Variants in GRTP1 observed in about 807,000 individuals in gnomAD.
GRTP1 encodes the protein growth hormone-regulated TBC protein 1.
Under a neutral mutation model 38.1 loss-of-function variants are expected in GRTP1, and 56 were observed. That is an observed-to-expected ratio of 1.47 (90% CI 1.19 to 1.84). GRTP1 has a LOEUF of 1.84. Ranked by LOEUF, GRTP1 falls within the 40% of genes most tolerant of loss-of-function variation. The pLI, the probability that GRTP1 is intolerant of heterozygous loss-of-function variation, is 0.00. For missense variants in GRTP1, 506 were observed against 453.9 expected (o/e 1.11, Z -1.04); for synonymous variants, 217 against 189.5 (o/e 1.14, Z -1.19).
rs576256870 is a variant in GRTP1, at chr13:113,343,312, G to C, written c.562+1551C>G. Among the ~76,000 whole-genome samples the C allele has an allele frequency of 6.6e-6, 1 of 152,090 alleles. No homozygotes were observed. Among genetic ancestry groups the C allele is most frequent in the South Asian group, 2.1e-4 (1 of 4,822 alleles). On this transcript the variant is annotated intron_variant, in intron 5 of 7. Coordinates refer to ENST00000375431, the MANE Select transcript of GRTP1 (RefSeq NM_024719.4). This position sits in a 1 kb window ranked among gnomAD's most constrained non-coding sequence, Gnocchi z 4.8. ...ACAGCCGGCATCCTTTCCGCCCTGC[G>C]AGGTTCTGCCTGCTGCTGCTGCTGC...
rs1217224974 is a variant in GRTP1 at position 113,324,510 on chromosome 13, G to A, written c.989C>T (p.Ala330Val). 1.2e-6 allele frequency: 2 copies of A among 1,611,122 alleles called. No homozygotes were observed. Among genetic ancestry groups the A allele is most frequent in the African/African-American group, 1.3e-5 (1 of 74,896 alleles). Reference protein sequence around the residue: ...TVAKLRESCRARLLAQG With the variant: ...TVAKLRESCRVRLLAQG ...CGCTCACCCCTGTGCCAGCAGCCGGGCCCTGCAGCTCTCGCGGAGCTTGGC... is the reference window on the plus strand; with the variant it reads ...CGCTCACCCCTGTGCCAGCAGCCGGACCCTGCAGCTCTCGCGGAGCTTGGC... The change falls in exon 8 of 8, where the codon GCC becomes GTC. Residue 330 changes from alanine to valine, a missense_variant. Coordinates refer to ENST00000375431, the MANE Select transcript of GRTP1 (RefSeq NM_024719.4).
chr13:113,324,230 CCA>C lies in GRTP1; in HGVS notation c.*256_*257del, dbSNP rs2042726471. On this transcript the variant is annotated 3_prime_UTR_variant, in exon 8 of 8. Coordinates refer to ENST00000375431, the MANE Select transcript of GRTP1 (RefSeq NM_024719.4). ...TTGGCATACTTTATTAGATACAAACCCACACTCACATTTTATATATTATTGAT... is the reference window on the plus strand; with the variant it reads ...TTGGCATACTTTATTAGATACAAACCCACTCACATTTTATATATTATTGAT... The C allele has an allele frequency of 4.6e-6, 2 of 432,550 alleles. No individual in the cohort carries two copies. The highest frequency in any genetic ancestry group is 1.5e-4 in the South Asian group (2 of 13,424). 26.8% of individuals were successfully genotyped at this position (432,550 alleles called of 1,614,324 possible).
chr13:113,326,883 G>A (rs1195359435), intron 5 of GRTP1, among the ~76,000 whole-genome samples: 4 of 152,170 alleles, frequency 2.6e-5, no homozygotes, highest in African/African-American at 7.2e-5. Flanking sequence ...CCACAGCAGC[G>A]GGAGGGAGGG....
Position 113,364,005 on chromosome 13 carries a change from C to T in GRTP1, c.32+15G>A, listed in dbSNP as rs756770143. 2 of 1,465,708 alleles carry T rather than the reference C, an allele frequency of 1.4e-6. No homozygotes were observed. The highest frequency in any genetic ancestry group is 1.5e-5 in the African/African-American group (1 of 67,442). The allele number at this position is 1,465,708 out of a possible 1,614,324, so 90.8% of individuals were successfully genotyped here. ...ACCGCAGCCGCCGGGGACGCCCGCA[C>T]CCCGCGCCACACACCTGGGGACCCG... On this transcript the variant is annotated intron_variant, in intron 1 of 7. Coordinates refer to ENST00000375431, the MANE Select transcript of GRTP1 (RefSeq NM_024719.4).
At position 113,348,153 on chromosome 13, in the gene GRTP1, A is replaced by G. The variant is rs1453465225; in HGVS notation, c.465+2696T>C. Among the ~76,000 whole-genome samples the G allele has an allele frequency of 6.6e-6, 1 of 152,178 alleles. No individual in the cohort carries two copies. Among genetic ancestry groups the G allele is most frequent in the East Asian group, 1.9e-4 (1 of 5,198 alleles). On this transcript the variant is annotated intron_variant, in intron 4 of 7. Transcript: ENST00000375431. This position sits in a 1 kb window ranked among gnomAD's most constrained non-coding sequence, Gnocchi z 4.8. Reference sequence around the variant, plus strand: ...GGACACATGGAAATGCAGGTGGGTGATCATCGTGGAGAAAAAGCAGAACAT... The same window carrying G: ...GGACACATGGAAATGCAGGTGGGTGGTCATCGTGGAGAAAAAGCAGAACAT...
chr13:113,324,731 A>G, intron 7 of GRTP1, 154 bp from the exon 8 acceptor site: 1 of 1,419,416 alleles, frequency 7.0e-7, no homozygotes, highest in Non-Finnish European at 9.2e-7. Flanking sequence ...GATTGTCACC[A>G]TCTCACTCCT....
chr13:113,340,528 C>G (rs1254742618), intron 5 of GRTP1, among the ~76,000 whole-genome samples: 1 of 137,858 alleles, frequency 7.3e-6, no homozygotes, highest in Non-Finnish European at 1.5e-5. Context: ...CCTGTAATCC[C>G]AGCACTTTTG....
chr13:113,340,658 TAGTCC>T (rs1330649710), intron 5 of GRTP1, among the ~76,000 whole-genome samples: 1 of 151,918 alleles, frequency 6.6e-6, no homozygotes, highest in African/African-American at 2.4e-5. Context: ...CGGGCGCCTG[TAGTCC>T]CAGCTACTCA....
chr13:113,353,342 T>A (rs2043320112), intron 3 of GRTP1, among the ~76,000 whole-genome samples: 1 of 152,206 alleles, frequency 6.6e-6, no homozygotes, highest in Non-Finnish European at 1.5e-5. Context: ...ATAACAGCCG[T>A]GCGGCAGGAG....
At position 113,343,707 on chromosome 13, in the gene GRTP1, G is replaced by A. The variant is rs1291527185; in HGVS notation, c.562+1156C>T. Among the ~76,000 whole-genome samples the A allele has an allele frequency of 1.3e-5, 2 of 152,234 alleles. No individual in the cohort carries two copies. The highest frequency in any genetic ancestry group is 4.8e-5 in the African/African-American group (2 of 41,452). On this transcript the variant is annotated intron_variant, in intron 5 of 7. Transcript: ENST00000375431. This position sits in a 1 kb window ranked among gnomAD's most constrained non-coding sequence, Gnocchi z 4.8. ...TTCTGAGGACAAGCGCAGCTCAGCA[G>A]GAAACTGACACATGCCGTGTGCTCA...
chr13:113,339,270 T>C (rs2042996278), intron 5 of GRTP1, among the ~76,000 whole-genome samples: 1 of 152,210 alleles, frequency 6.6e-6, no homozygotes. Context: ...CCTTTGTTAA[T>C]TATATGGATC....
chr13:113,350,629 G>T (rs1273138855), intron 4 of GRTP1, among the ~76,000 whole-genome samples: 3 of 152,036 alleles, frequency 2.0e-5, no homozygotes, highest in African/African-American at 7.3e-5. Flanking sequence ...TGTGTCCCGT[G>T]CTGATTCTCC....
intron 5 of GRTP1, among the ~76,000 whole-genome samples, chr13:113,329,021 T>C (rs1235543511): frequency 2.0e-5 from 3 of 152,244 alleles, no homozygotes; most frequent in African/African-American, 4.8e-5. Flanking sequence ...CTGCCCAGGA[T>C]GGTGAATGCG....
chr13:113,361,394 T>C (rs1276921971), intron 2 of GRTP1, among the ~76,000 whole-genome samples: 2 of 152,108 alleles, frequency 1.3e-5, no homozygotes, highest in African/African-American at 2.4e-5. Flanking sequence ...ATGTGCTGAG[T>C]GGTTCCCTAA....
rs564742708 is a variant in GRTP1, at chr13:113,343,464, G to C, written c.562+1399C>G. 6.6e-5 allele frequency among the ~76,000 whole-genome samples: 10 copies of C among 152,234 alleles called. No individual in the cohort carries two copies. The highest frequency in any genetic ancestry group is 2.4e-4 in the African/African-American group (10 of 41,540). ...TGGCATCCTCATTTCTGCGCCCTTG[G>C]GTTGAGGGTGGCGCTGATTCCTCCC... On this transcript the variant is annotated intron_variant, in intron 5 of 7. Transcript: ENST00000375431. This position sits in a 1 kb window ranked among gnomAD's most constrained non-coding sequence, Gnocchi z 4.8.
chr13:113,326,280 C>G (rs1345586044), intron 5 of GRTP1, among the ~76,000 whole-genome samples, 189 bp from the exon 6 acceptor site: 2 of 151,652 alleles, frequency 1.3e-5, no homozygotes, highest in Non-Finnish European at 2.9e-5. Context: ...GCGACCCCCA[C>G]AGCCAGGCCT....
chr13:113,331,648 CTTTTTTT>C (rs59328510), intron 5 of GRTP1, among the ~76,000 whole-genome samples: 4 of 92,986 alleles, frequency 4.3e-5, no homozygotes, highest in East Asian at 7.0e-4. Context: ...GTTTGGTTTA[CTTTTTTT>C]TTTTTTTTTT....
At chr13:113,336,970 A>G (rs938300561) in intron 5 of GRTP1, among the ~76,000 whole-genome samples, 1 of 152,228 alleles carries the variant, frequency 6.6e-6, no homozygotes, top group East Asian at 1.9e-4. Flanking sequence ...TTTCACAAGT[A>G]AAAAGCTAAC....
intron 5 of GRTP1, among the ~76,000 whole-genome samples, 192 bp downstream of exon 5, chr13:113,344,671 C>T (rs191650993): frequency 6.0e-4 from 88 of 145,826 alleles, no homozygotes; most frequent in Non-Finnish European, 1.1e-3. Flanking sequence ...CAAGATCACA[C>T]CACTGCACTC....
Sources: allele counts gnomAD v4.1 joint callset (sites outside exome capture counted in the v4.1 genomes callset), GRCh38; gene constraint gnomAD v4.1.1; non-coding constraint Gnocchi (gnomAD v3.1); transcripts MANE v1.5; gene names NCBI Gene and HGNC (gene_info 2026-07-23, HGNC 2026-07-21).